The following IGF2BP3 variants were observed in gnomAD, a reference collection of about 807,000 sequenced individuals.
IGF2BP3 encodes the protein insulin like growth factor 2 mRNA binding protein 3.
In IGF2BP3, 9 loss-of-function variants were observed where a neutral mutation model predicts 73.8. That is an observed-to-expected ratio of 0.12 (90% CI 0.07 to 0.21). The LOEUF is 0.21. Ranked by LOEUF, IGF2BP3 falls within the 10% of genes least tolerant of loss-of-function variation. The pLI, the probability that IGF2BP3 is intolerant of heterozygous loss-of-function variation, is 1.00. For missense variants in IGF2BP3, 542 were observed against 714.0 expected (o/e 0.76, Z 2.75); for synonymous variants, 258 against 256.7 (o/e 1.01, Z -0.05).
At chr7:23,468,670 G>C in intron 1 of IGF2BP3, 128 bp from the exon 2 acceptor site, 1 of 865,352 alleles carries the variant, frequency 1.2e-6, no homozygotes, top group South Asian at 1.5e-5. Flanking sequence ...AGGCCCGGAC[G>C]CGGCTCCAGG....
At chr7:23,333,290 A>G (rs761161756) in intron 10 of IGF2BP3, among the ~76,000 whole-genome samples, 23 of 152,304 alleles carry the variant, frequency 1.5e-4, no homozygotes, top group Non-Finnish European at 2.5e-4. Flanking sequence ...TTTACTTATT[A>G]AAAAATGACT....
intron 10 of IGF2BP3, among the ~76,000 whole-genome samples, chr7:23,337,590 T>C (rs1181237932): frequency 2.6e-5 from 4 of 152,222 alleles, no homozygotes; most frequent in Non-Finnish European, 5.9e-5. Flanking sequence ...CAGCTTCTCT[T>C]GCAGCTAGAC....
intron 2 of IGF2BP3, among the ~76,000 whole-genome samples, chr7:23,438,303 G>A (rs964040176): frequency 2.0e-5 from 3 of 152,082 alleles, no homozygotes; most frequent in South Asian, 2.1e-4. Flanking sequence ...TCGTAAAGAC[G>A]AGGTTTCTCC....
intron 3 of IGF2BP3, among the ~76,000 whole-genome samples, chr7:23,408,574 TGCTATGGAAAACA>T: frequency 6.6e-6 from 1 of 152,340 alleles, no homozygotes; most frequent in South Asian, 2.1e-4. Flanking sequence ...ACAGTACAGC[TGCTATGGAAAACA>T]GTAATGGCAA....
intron 10 of IGF2BP3, among the ~76,000 whole-genome samples, chr7:23,320,790 T>C (rs1784116303): frequency 6.7e-6 from 1 of 149,388 alleles, no homozygotes; most frequent in South Asian, 2.1e-4. Flanking sequence ...TCTTCAAAAA[T>C]TACAAAAATT....
intron 3 of IGF2BP3, among the ~76,000 whole-genome samples, chr7:23,389,063 T>C (rs1786183852): frequency 6.6e-6 from 1 of 152,362 alleles, no homozygotes; most frequent in South Asian, 2.1e-4. Flanking sequence ...GATGTGTTTA[T>C]GTCCATCATA....
chr7:23,434,964 T>C (rs1373865798), intron 2 of IGF2BP3, among the ~76,000 whole-genome samples: 1 of 152,096 alleles, frequency 6.6e-6, no homozygotes, highest in Non-Finnish European at 1.5e-5. Flanking sequence ...AATTTTCCCT[T>C]TTCTCACCTA....
intron 2 of IGF2BP3, among the ~76,000 whole-genome samples, chr7:23,446,316 C>G (rs540830042): frequency 9.2e-5 from 14 of 152,018 alleles, no homozygotes; most frequent in Non-Finnish European, 1.9e-4. Flanking sequence ...AATCCCAGCA[C>G]TTTGGGAGAC....
chr7:23,383,202 A>G (rs1335560570), intron 3 of IGF2BP3, among the ~76,000 whole-genome samples: 1 of 152,152 alleles, frequency 6.6e-6, no homozygotes, highest in Non-Finnish European at 1.5e-5. Context: ...GTAGCGCAAA[A>G]ATCAGGACAC....
At chr7:23,319,763 A>G (rs1784084815) in intron 10 of IGF2BP3, among the ~76,000 whole-genome samples, 1 of 152,158 alleles carries the variant, frequency 6.6e-6, no homozygotes, top group Non-Finnish European at 1.5e-5. Context: ...GTTACATATG[A>G]CTAAATTGTA....
intron 10 of IGF2BP3, among the ~76,000 whole-genome samples, chr7:23,332,028 A>C (rs994696028): frequency 1.3e-5 from 2 of 151,960 alleles, no homozygotes; most frequent in Non-Finnish European, 2.9e-5. Flanking sequence ...CACACCTTTA[A>C]ACCCTTAGAT....
intron 6 of IGF2BP3, 60 bp downstream of exon 6, chr7:23,351,245 T>C: frequency 1.1e-5 from 18 of 1,586,030 alleles, no homozygotes; most frequent in Non-Finnish European, 1.5e-5. Flanking sequence ...AACGACACAC[T>C]GTTACTAAGA....
At chr7:23,359,111 A>G (rs1785163453) in intron 5 of IGF2BP3, among the ~76,000 whole-genome samples, 1 of 152,220 alleles carries the variant, frequency 6.6e-6, no homozygotes, top group Non-Finnish European at 1.5e-5. Context: ...GATCAACAGA[A>G]GCCTACCAAT....
At chr7:23,344,391 C>A (rs1244567873) in intron 8 of IGF2BP3, among the ~76,000 whole-genome samples, 1 of 152,170 alleles carries the variant, frequency 6.6e-6, no homozygotes, top group African/African-American at 2.4e-5. Flanking sequence ...TAGTTTTTAC[C>A]AGTTTCTTTA....
At chr7:23,464,057 G>A (rs1389693581) in intron 2 of IGF2BP3, among the ~76,000 whole-genome samples, 2 of 152,156 alleles carry the variant, frequency 1.3e-5, no homozygotes, top group Non-Finnish European at 2.9e-5. Context: ...ACTGCTATTC[G>A]TACCTGTGTT....
intron 10 of IGF2BP3, among the ~76,000 whole-genome samples, chr7:23,337,229 C>T (rs1784596988): frequency 6.6e-6 from 1 of 152,114 alleles, no homozygotes; most frequent in African/African-American, 2.4e-5. Flanking sequence ...TTCCCCTGAA[C>T]ATTAAGCCAG....
intron 3 of IGF2BP3, among the ~76,000 whole-genome samples, chr7:23,391,098 T>G (rs1165518828): frequency 1.8e-5 from 2 of 109,980 alleles, no homozygotes; most frequent in Admixed American, 9.3e-5. Context: ...CGCGCCTGGC[T>G]TTTTTTTTTT....
chr7:23,360,470 G>C (rs1008591863), intron 5 of IGF2BP3, among the ~76,000 whole-genome samples: 1 of 152,204 alleles, frequency 6.6e-6, no homozygotes, highest in South Asian at 2.1e-4. Context: ...TCTCCCAAGA[G>C]ATAAGGTAGT....
intron 3 of IGF2BP3, among the ~76,000 whole-genome samples, chr7:23,399,510 C>T (rs980306230): frequency 5.9e-5 from 9 of 151,968 alleles, no homozygotes; most frequent in African/African-American, 1.4e-4. Flanking sequence ...CCTAAGACTT[C>T]TAGAGGGAGC....
Sources: gnomAD v4.1 joint callset for allele counts (sites outside exome capture counted in the v4.1 genomes callset) on GRCh38, gnomAD v4.1.1 for gene constraint, MANE v1.5 for transcripts, NCBI Gene and HGNC (gene_info 2026-07-23, HGNC 2026-07-21) for gene names.